The following PHF6 variants were observed in gnomAD, a reference collection of about 807,000 sequenced individuals.
PHF6 encodes PHD finger protein 6, also known as PHD-like zinc finger protein.
A neutral mutation model predicts 34.0 loss-of-function variants in PHF6; 7 were observed. That is an observed-to-expected ratio of 0.21 (90% CI 0.12 to 0.39). The LOEUF (loss-of-function observed/expected upper bound fraction) is 0.39, where lower values mean the gene tolerates loss of function less well. Ranked by LOEUF, PHF6 falls within the 10% of genes least tolerant of loss-of-function variation. The pLI is 1.00. For synonymous variants in PHF6, 89 were observed against 88.4 expected (o/e 1.01, Z -0.04); for missense variants, 128 against 262.8 (o/e 0.49, Z 3.55).
chrX:134,391,176 G>A (rs376439418), intron 3 of PHF6, among the ~76,000 whole-genome samples: 14 of 110,069 alleles, frequency 1.3e-4, no homozygotes, highest in African/African-American at 4.6e-4. Flanking sequence ...GTTTCTCCAT[G>A]TTGGTCAGGC....
intron 5 of PHF6, among the ~76,000 whole-genome samples, chrX:134,406,912 A>G (rs1198180586): frequency 8.9e-6 from 1 of 112,282 alleles, no homozygotes; most frequent in Non-Finnish European, 1.9e-5. Context: ...CTAAAAGCAA[A>G]CACTACTATC....
At chrX:134,385,423 C>T (rs933951386) in intron 3 of PHF6, among the ~76,000 whole-genome samples, 3 of 111,922 alleles carry the variant, frequency 2.7e-5, no homozygotes, top group African/African-American at 9.8e-5. Flanking sequence ...AGACTGTATT[C>T]TCTTTGCCCA....
rs1291489314 is a variant in PHF6 at position 134,409,789 on chromosome X, T to C, written c.419-3702T>C. ...GGGCATAATACCCAATAGTTAGTTT[T>C]TCAACCCTTGCCCTTCTCCCTCTCT... is the stretch of plus-strand genomic sequence containing the variant. On this transcript the variant is annotated intron_variant, in intron 5 of 10. Transcript: ENST00000370803. Among the ~76,000 whole-genome samples, 7 of 110,378 alleles carry C rather than the reference T, an allele frequency of 6.3e-5. No homozygotes were observed. In the Admixed American group the frequency reaches 6.8e-4, roughly 11 times the overall value.
intron 3 of PHF6, among the ~76,000 whole-genome samples, chrX:134,389,295 G>A (rs1329050343): frequency 2.7e-5 from 3 of 110,886 alleles, no homozygotes; most frequent in Middle Eastern, 4.2e-3. Context: ...CCTTTTTTGC[G>A]GGGAGTTGGG....
intron 3 of PHF6, among the ~76,000 whole-genome samples, chrX:134,387,058 G>A (rs1178606953): frequency 9.0e-6 from 1 of 111,184 alleles, no homozygotes; most frequent in African/African-American, 3.3e-5. Flanking sequence ...CATTGTGAAT[G>A]TATTCATATA....
chrX:134,373,931 A>T (rs2077267937), intron 1 of PHF6, among the ~76,000 whole-genome samples: 1 of 104,358 alleles, frequency 9.6e-6, no homozygotes, highest in Non-Finnish European at 2.0e-5. Flanking sequence ...AGACTGTGAG[A>T]GGGCTAACTC....
chrX:134,405,237 C>T (rs1318917302), intron 5 of PHF6, among the ~76,000 whole-genome samples: 2 of 111,593 alleles, frequency 1.8e-5, no homozygotes, highest in African/African-American at 6.5e-5. Context: ...TTGTCTCATT[C>T]TGTCGCCCAG....
chrX:134,420,190 T>C (rs750663682), intron 9 of PHF6: 1 of 109,230 alleles, frequency 9.2e-6, no homozygotes, highest in East Asian at 2.9e-4. Flanking sequence ...GGCTCACGCC[T>C]GTAATCTCAA....
chrX:134,396,816 G>A (rs1215663088), intron 5 of PHF6, among the ~76,000 whole-genome samples: 10 of 107,352 alleles, frequency 9.3e-5, no homozygotes, highest in African/African-American at 3.1e-4. Context: ...TCTCCTTTAC[G>A]ATCATGGTTT....
At position 134,426,272 on chromosome X, in the gene PHF6, T is replaced by G. The variant is rs1183232279; in HGVS notation, c.*612T>G. The G allele has an allele frequency of 2.5e-5, 4 of 161,519 alleles. No individual in the cohort carries two copies. Among genetic ancestry groups the G allele is most frequent in the Non-Finnish European group, 3.6e-5 (3 of 83,074 alleles). 13.3% of individuals were successfully genotyped at this position (161,519 alleles called of 1,213,427 possible). A position where few individuals can be genotyped will look rare whatever the true frequency, so the allele number is the denominator to read the frequency against. ...TCAGGCAACTGGTAATGATAAGCTA[T>G]GAGCTCCAGTGCTTTTGCCAAAATT... is the stretch of plus-strand genomic sequence containing the variant. On this transcript the variant is annotated 3_prime_UTR_variant, in exon 11 of 11. Transcript: ENST00000370803.
intron 3 of PHF6, among the ~76,000 whole-genome samples, chrX:134,380,594 T>C (rs746018386): frequency 6.3e-5 from 7 of 111,586 alleles, no homozygotes; most frequent in Non-Finnish European, 1.1e-4. Flanking sequence ...AATGGAACAA[T>C]ACTGGGAATT....
At chrX:134,399,016 A>T (rs1156325079) in intron 5 of PHF6, among the ~76,000 whole-genome samples, 2 of 111,298 alleles carry the variant, frequency 1.8e-5, no homozygotes, top group Non-Finnish European at 3.8e-5. Context: ...AGCCTTGAGG[A>T]ACTTTAACAA....
At chrX:134,375,833 C>T (rs1254357768) in intron 1 of PHF6, among the ~76,000 whole-genome samples, 1 of 111,994 alleles carries the variant, frequency 8.9e-6, no homozygotes. Flanking sequence ...CAGATACTTG[C>T]CTGAGCAAAT....
At chrX:134,409,453 ATTC>A (rs1429319124) in intron 5 of PHF6, among the ~76,000 whole-genome samples, 3 of 111,109 alleles carry the variant, frequency 2.7e-5, no homozygotes, top group Middle Eastern at 4.7e-3. Context: ...ACTCTTGTGT[ATTC>A]TTTTTTTCAT....
At position 134,426,303 on chromosome X, in the gene PHF6, G is replaced by A. The variant is rs2077507330; in HGVS notation, c.*643G>A. 1 of 162,832 alleles carries A rather than the reference G, an allele frequency of 6.1e-6. No homozygotes were observed. Among genetic ancestry groups the A allele is most frequent in the East Asian group, 9.1e-5 (1 of 10,991 alleles). 13.4% of individuals were successfully genotyped at this position (162,832 alleles called of 1,213,427 possible). On this transcript the variant is annotated 3_prime_UTR_variant, in exon 11 of 11. Coordinates refer to ENST00000370803, the MANE Select transcript of PHF6 (RefSeq NM_001015877.2). Reference sequence around the variant, plus strand: ...CCAGTGCTTTTGCCAAAATTCTCTTGACAGCACACCTCCTCTCTTTCCATG... The same window carrying A: ...CCAGTGCTTTTGCCAAAATTCTCTTAACAGCACACCTCCTCTCTTTCCATG...
At position 134,377,367 on chromosome X, in the gene PHF6, G is replaced by A. The variant is rs768729542; in HGVS notation, c.-46-205G>A. 3.6e-5 allele frequency among the ~76,000 whole-genome samples: 4 copies of A among 111,677 alleles called. No homozygotes were observed. In the South Asian group the frequency reaches 1.5e-3, roughly 41 times the overall value. ...CAACTTACATGAGTATGTATAAACT[G>A]ATTTTAAAACAAAATGAACTTTGTT... On this transcript the variant is annotated intron_variant, in intron 1 of 10. Coordinates refer to ENST00000370803, the MANE Select transcript of PHF6 (RefSeq NM_001015877.2).
At chrX:134,424,774 C>G (rs901873443) in intron 9 of PHF6, among the ~76,000 whole-genome samples, 6 of 112,023 alleles carry the variant, frequency 5.4e-5, no homozygotes, top group African/African-American at 1.9e-4. Flanking sequence ...AAAATTGTTT[C>G]ATCAAATGTG....
intron 3 of PHF6, among the ~76,000 whole-genome samples, chrX:134,386,633 G>A (rs1191458331): frequency 9.0e-6 from 1 of 110,806 alleles, no homozygotes; most frequent in Non-Finnish European, 1.9e-5. Flanking sequence ...GGCCAGGATG[G>A]TCTCGATCTC....
At chrX:134,416,269 G>C (rs1039387567) in intron 8 of PHF6, among the ~76,000 whole-genome samples, 1 of 111,226 alleles carries the variant, frequency 9.0e-6, no homozygotes, top group Admixed American at 9.6e-5. Flanking sequence ...TGAAACTTTC[G>C]TAACAGAGCC....
Sources: allele counts gnomAD v4.1 joint callset (sites outside exome capture counted in the v4.1 genomes callset), GRCh38; gene constraint gnomAD v4.1.1; transcripts MANE v1.5; gene names NCBI Gene and HGNC (gene_info 2026-07-23, HGNC 2026-07-21).